CSMD1: variants seen among roughly 807,000 people sequenced by gnomAD.
CSMD1 encodes CUB and Sushi multiple domains 1.
A neutral mutation model predicts 417.5 loss-of-function variants in CSMD1; 213 were observed. That is an observed-to-expected ratio of 0.51 (90% CI 0.46 to 0.57). The LOEUF (loss-of-function observed/expected upper bound fraction) is 0.57. Among genes scored for constraint, CSMD1 ranks in the 20% least tolerant of loss-of-function variants. The pLI, the probability that CSMD1 is intolerant of heterozygous loss-of-function variation, is 0.00. For missense variants in CSMD1, 6,923 were observed against 4,529.7 expected (o/e 1.53, Z -15.17); for synonymous variants, 2,862 against 1,736.8 (o/e 1.65, Z -16.11).
chr8:3,412,436 G>C (rs1236344221), intron 12 of CSMD1, among the ~76,000 whole-genome samples: 2 of 152,150 alleles, frequency 1.3e-5, no homozygotes, highest in African/African-American at 4.8e-5. Flanking sequence ...GAAACGTTCA[G>C]AGGTTGATCC....
intron 7 of CSMD1, among the ~76,000 whole-genome samples, chr8:3,690,621 T>A (rs1223285911): frequency 6.6e-6 from 1 of 152,330 alleles, no homozygotes. Context: ...ATATCATAGC[T>A]TCCACTCTCA....
At chr8:4,727,838 A>G (rs570872622) in intron 1 of CSMD1, among the ~76,000 whole-genome samples, 1 of 149,992 alleles carries the variant, frequency 6.7e-6, no homozygotes, top group Non-Finnish European at 1.5e-5. Context: ...ATATATATCT[A>G]TTATATATAC....
intron 5 of CSMD1, among the ~76,000 whole-genome samples, chr8:3,868,323 A>C (rs1805246165): frequency 6.6e-6 from 1 of 151,874 alleles, no homozygotes; most frequent in Non-Finnish European, 1.5e-5. Flanking sequence ...TTTCACCCGG[A>C]GACATTTATT....
At position 3,983,378 on chromosome 8, in the gene CSMD1, T is replaced by G. The variant is rs578201902; in HGVS notation, c.818+14525A>C. Among the ~76,000 whole-genome samples, 4 of 152,058 alleles carry G rather than the reference T, an allele frequency of 2.6e-5. No homozygotes were observed. The East Asian group carries it at 7.8e-4, about 30-fold the overall frequency. ...ATCTCCTGACCTCGTGATCCCTCTTTCTTGCCCTCCCAAATTGCTGGGATT... is the reference window on the plus strand; with the variant it reads ...ATCTCCTGACCTCGTGATCCCTCTTGCTTGCCCTCCCAAATTGCTGGGATT... On this transcript the variant is annotated intron_variant, in intron 5 of 69. Coordinates refer to ENST00000635120, the MANE Select transcript of CSMD1 (RefSeq NM_033225.6).
intron 3 of CSMD1, among the ~76,000 whole-genome samples, chr8:4,143,644 G>A (rs1047277036): frequency 7.3e-5 from 11 of 151,186 alleles, no homozygotes; most frequent in Middle Eastern, 3.4e-3. Flanking sequence ...CGGAAGGAGA[G>A]CATTGACTGT....
chr8:4,334,792 C>G (rs926728989), intron 3 of CSMD1, among the ~76,000 whole-genome samples: 2 of 152,022 alleles, frequency 1.3e-5, no homozygotes, highest in African/African-American at 4.8e-5. Flanking sequence ...TCTGTTTGGG[C>G]TGCTATGACA....
At chr8:4,813,718 A>G (rs1304010361) in intron 1 of CSMD1, among the ~76,000 whole-genome samples, 1 of 152,334 alleles carries the variant, frequency 6.6e-6, no homozygotes, top group Admixed American at 6.5e-5. Flanking sequence ...TTCAAGATGG[A>G]AACAGGATAA....
At chr8:3,553,020 T>C (rs1174987700) in intron 10 of CSMD1, among the ~76,000 whole-genome samples, 1 of 151,966 alleles carries the variant, frequency 6.6e-6, no homozygotes, top group African/African-American at 2.4e-5. Context: ...CAATTACTGG[T>C]AGTTTTGCAG....
In CSMD1 at chr8:3,394,017, TATA is replaced by T. The variant is rs1563342257; in HGVS notation, c.2593+2174_2593+2176del. 9.6e-3 allele frequency among the ~76,000 whole-genome samples: 738 copies of T among 77,152 alleles called. 28 individuals are homozygous for T. Among genetic ancestry groups the T allele is most frequent in the East Asian group, 0.025 (67 of 2,674 alleles). The allele number at this position is 77,152 out of a possible 152,430, so 50.6% of individuals were successfully genotyped here. A position where few individuals can be genotyped will look rare whatever the true frequency, so the allele number is the denominator to read the frequency against. ...AATAATAATAAAAAAATAAATTATA[TATA>T]TATATATATATATATATATATATAT... On this transcript the variant is annotated intron_variant, in intron 17 of 69. Coordinates refer to ENST00000635120, the MANE Select transcript of CSMD1 (RefSeq NM_033225.6).
At chr8:4,551,137 C>T (rs1447510690) in intron 2 of CSMD1, among the ~76,000 whole-genome samples, 2 of 152,154 alleles carry the variant, frequency 1.3e-5, no homozygotes, top group Non-Finnish European at 2.9e-5. Flanking sequence ...CTGGGTCTGG[C>T]AACATCTATG....
chr8:4,269,976 T>C (rs1233068058), intron 3 of CSMD1, among the ~76,000 whole-genome samples: 1 of 152,156 alleles, frequency 6.6e-6, no homozygotes, highest in African/African-American at 2.4e-5. Context: ...CACAGCAAAA[T>C]GTTGACCTGA....
intron 1 of CSMD1, among the ~76,000 whole-genome samples, chr8:4,741,166 G>C (rs1810578869): frequency 6.6e-6 from 1 of 152,136 alleles, no homozygotes; most frequent in East Asian, 1.9e-4. Context: ...AAGCACACTA[G>C]ACACTTATGT....
chr8:4,493,781 A>T (rs1801842553), intron 2 of CSMD1, among the ~76,000 whole-genome samples: 1 of 152,206 alleles, frequency 6.6e-6, no homozygotes, highest in African/African-American at 2.4e-5. Flanking sequence ...TATCCCTAAG[A>T]ATAGTATTTA....
At chr8:4,122,217 C>G (rs137873844) in intron 3 of CSMD1, among the ~76,000 whole-genome samples, 32 of 152,238 alleles carry the variant, frequency 2.1e-4, no homozygotes, top group African/African-American at 7.5e-4. Flanking sequence ...AGTCTATTTG[C>G]TGACTTTTGT....
intron 5 of CSMD1, among the ~76,000 whole-genome samples, chr8:3,837,381 G>C (rs1317545492): frequency 6.6e-6 from 1 of 152,132 alleles, no homozygotes; most frequent in Non-Finnish European, 1.5e-5. Flanking sequence ...ATGGTCTGCA[G>C]AAAATTGAAG....
At chr8:4,632,389 G>C (rs1802574260) in intron 2 of CSMD1, among the ~76,000 whole-genome samples, 1 of 152,014 alleles carries the variant, frequency 6.6e-6, no homozygotes, top group Non-Finnish European at 1.5e-5. Flanking sequence ...GGTGCACCCT[G>C]TAATCCCAGT....
intron 2 of CSMD1, among the ~76,000 whole-genome samples, chr8:4,493,797 C>T (rs973120232): frequency 1.2e-4 from 18 of 152,142 alleles, no homozygotes; most frequent in Admixed American, 1.0e-3. Flanking sequence ...ATTTACTAAG[C>T]TGAGGAGGAG....
At position 3,496,336 on chromosome 8, in the gene CSMD1, G is replaced by A. The variant is rs768959712; in HGVS notation, c.1345-2610C>T. Reference sequence around the variant, plus strand: ...GTTGGTTTGCTGTTCTGCCTGCCCTGCAGAGCTCCCTGTAAGGATTGAGGG... The same window carrying A: ...GTTGGTTTGCTGTTCTGCCTGCCCTACAGAGCTCCCTGTAAGGATTGAGGG... On this transcript the variant is annotated intron_variant, in intron 10 of 69. Transcript: ENST00000635120. Among the ~76,000 whole-genome samples, 6 of 152,252 alleles carry A rather than the reference G, an allele frequency of 3.9e-5. 1 individual carries two copies. The Middle Eastern group carries it at 0.01, about 259-fold the overall frequency.
chr8:3,684,210 TA>T (rs1799817997), intron 7 of CSMD1, among the ~76,000 whole-genome samples: 4 of 134,184 alleles, frequency 3.0e-5, no homozygotes, highest in Admixed American at 1.7e-4. Context: ...TGTAATTATA[TA>T]TAATATATAA....
Sources: gnomAD v4.1 joint callset for allele counts (sites outside exome capture counted in the v4.1 genomes callset) on GRCh38, gnomAD v4.1.1 for gene constraint, MANE v1.5 for transcripts, NCBI Gene and HGNC (gene_info 2026-07-23, HGNC 2026-07-21) for gene names.